GPC6: variants seen among roughly 807,000 people sequenced by gnomAD.
The protein encoded by GPC6 is glypican-6.
Under a neutral mutation model 55.2 loss-of-function variants are expected in GPC6, and 14 were observed. The ratio of observed to expected loss-of-function variants is 0.25; its 90% CI spans 0.17 to 0.40. The LOEUF (loss-of-function observed/expected upper bound fraction) is 0.40, where lower values mean the gene tolerates loss of function less well. Among genes scored for constraint, GPC6 ranks in the 10% least tolerant of loss-of-function variants. The pLI is 1.00. For missense variants in GPC6, 641 were observed against 708.5 expected (o/e 0.90, Z 1.08); for synonymous variants, 278 against 259.6 (o/e 1.07, Z -0.68).
intron 2 of GPC6, among the ~76,000 whole-genome samples, chr13:93,813,808 A>G (rs1594479763): frequency 1.3e-5 from 2 of 151,802 alleles, no homozygotes; most frequent in East Asian, 3.9e-4. Flanking sequence ...TTTTTTTTTA[A>G]AAAATGAGCA....
intron 1 of GPC6, among the ~76,000 whole-genome samples, chr13:93,450,313 C>T (rs1052115727): frequency 6.6e-6 from 1 of 152,190 alleles, no homozygotes; most frequent in African/African-American, 2.4e-5. Context: ...ATTTCTTCTT[C>T]TTAGCAATAC....
intron 1 of GPC6, among the ~76,000 whole-genome samples, chr13:93,382,498 ATAT>A (rs912596575): frequency 5.3e-5 from 8 of 152,112 alleles, no homozygotes; most frequent in African/African-American, 1.9e-4. Flanking sequence ...TTTAAGATTT[ATAT>A]TATTATTATT....
At chr13:94,165,286 A>G in intron 4 of GPC6, among the ~76,000 whole-genome samples, 1 of 148,928 alleles carries the variant, frequency 6.7e-6, no homozygotes, top group East Asian at 1.9e-4. Flanking sequence ...ATATATATAT[A>G]TATATACATA....
chr13:93,306,893 A>T (rs1228075993), intron 1 of GPC6, among the ~76,000 whole-genome samples: 1 of 152,152 alleles, frequency 6.6e-6, no homozygotes, highest in Non-Finnish European at 1.5e-5. Context: ...CATGTCCCCT[A>T]GCAAACTCTC....
chr13:93,612,600 CT>C (rs1333657558), intron 2 of GPC6, among the ~76,000 whole-genome samples: 5 of 151,350 alleles, frequency 3.3e-5, no homozygotes, highest in Non-Finnish European at 7.4e-5. Context: ...TAAAAACTTA[CT>C]GGAAATCAGA....
chr13:93,370,132 C>A (rs934333086), intron 1 of GPC6, among the ~76,000 whole-genome samples: 10 of 152,016 alleles, frequency 6.6e-5, no homozygotes, highest in African/African-American at 2.4e-4. Flanking sequence ...TTCATTATTC[C>A]AGACAGTTGT....
At chr13:93,984,913 G>T (rs1188982836) in intron 3 of GPC6, among the ~76,000 whole-genome samples, 1 of 152,034 alleles carries the variant, frequency 6.6e-6, no homozygotes, top group African/African-American at 2.4e-5. Context: ...TTTAAATAAG[G>T]GTTTCTTCAT....
intron 3 of GPC6, among the ~76,000 whole-genome samples, chr13:94,021,071 A>G (rs1009556734): frequency 1.3e-5 from 2 of 152,120 alleles, no homozygotes; most frequent in Non-Finnish European, 2.9e-5. Context: ...ATGTGACTGT[A>G]CATTAGAAAC....
chr13:94,207,894 A>G (rs374169834), intron 4 of GPC6, among the ~76,000 whole-genome samples: 8 of 152,176 alleles, frequency 5.3e-5, no homozygotes, highest in Non-Finnish European at 1.0e-4. Flanking sequence ...CTTTTGCACC[A>G]ACCTTACATT....
At chr13:93,657,842 A>T (rs1340919736) in intron 2 of GPC6, among the ~76,000 whole-genome samples, 1 of 152,152 alleles carries the variant, frequency 6.6e-6, no homozygotes, top group Non-Finnish European at 1.5e-5. Flanking sequence ...ACCAACAAGC[A>T]TTTGAAAAAA....
chr13:93,405,316 AC>A (rs1199681451), intron 1 of GPC6, among the ~76,000 whole-genome samples: 1 of 152,184 alleles, frequency 6.6e-6, no homozygotes, highest in East Asian at 1.9e-4. Flanking sequence ...CAGAGTGCAC[AC>A]AAGGTATGGG....
rs541733712 is a variant in GPC6, at chr13:94,025,300, A to T, written c.712-2429A>T. Among the ~76,000 whole-genome samples the T allele has an allele frequency of 3.3e-5, 5 of 152,358 alleles. No individual in the cohort carries two copies. The South Asian group carries it at 1.0e-3, about 32-fold the overall frequency. On this transcript the variant is annotated intron_variant, in intron 3 of 8. Transcript: ENST00000377047. ...CTGTGGTAAAGGTTTGCAAGTTAGT[A>T]ACCATGCCCAGTAAGTTTGCAAGAT...
At chr13:93,890,308 C>T (rs568451350) in intron 3 of GPC6, among the ~76,000 whole-genome samples, 1 of 152,136 alleles carries the variant, frequency 6.6e-6, no homozygotes, top group African/African-American at 2.4e-5. Context: ...TTCTTGTAGC[C>T]ATGCACAGGT....
intron 3 of GPC6, among the ~76,000 whole-genome samples, chr13:93,968,560 C>T (rs956148432): frequency 2.0e-5 from 3 of 152,082 alleles, no homozygotes; most frequent in Non-Finnish European, 4.4e-5. Context: ...TGAAGAAGCA[C>T]ATGTTTGGTA....
intron 2 of GPC6, among the ~76,000 whole-genome samples, chr13:93,569,962 A>G (rs1876323919): frequency 6.6e-6 from 1 of 152,102 alleles, no homozygotes; most frequent in Non-Finnish European, 1.5e-5. Flanking sequence ...TATTAATTGA[A>G]TCGGTCATTA....
chr13:93,731,875 A>G (rs539025346), intron 2 of GPC6, among the ~76,000 whole-genome samples: 6 of 152,114 alleles, frequency 3.9e-5, no homozygotes, highest in African/African-American at 1.4e-4. Context: ...CTAATTTGAG[A>G]AAAAAAATGA....
intron 2 of GPC6, among the ~76,000 whole-genome samples, chr13:93,604,623 A>T (rs1029861299): frequency 6.6e-6 from 1 of 152,102 alleles, no homozygotes; most frequent in African/African-American, 2.4e-5. Flanking sequence ...TATCAGCCTT[A>T]TGGAAAAATC....
chr13:94,339,087 C>T lies in GPC6; in HGVS notation c.1152+32964C>T, dbSNP rs117967905. On this transcript the variant is annotated intron_variant, in intron 6 of 8. Transcript: ENST00000377047. Reference sequence around the variant, plus strand: ...GTTTTCCTTTTTTTTTTTTAAGAGACGGGGTCTTGCTCTGTCATCCAGGCT... The same window carrying T: ...GTTTTCCTTTTTTTTTTTTAAGAGATGGGGTCTTGCTCTGTCATCCAGGCT... Among the ~76,000 whole-genome samples, 797 of 150,702 alleles carry T rather than the reference C, an allele frequency of 5.3e-3. 21 individuals carry two copies. In the East Asian group the frequency reaches 0.09, roughly 17 times the overall value.
At chr13:93,674,554 T>TA (rs1453149095) in intron 2 of GPC6, among the ~76,000 whole-genome samples, 5 of 152,200 alleles carry the variant, frequency 3.3e-5, no homozygotes, top group African/African-American at 9.7e-5. Context: ...TTGGGTGAAA[T>TA]ACATTTGAAA....
Sources: allele counts gnomAD v4.1 joint callset (sites outside exome capture counted in the v4.1 genomes callset), GRCh38; gene constraint gnomAD v4.1.1; transcripts MANE v1.5; gene names NCBI Gene and HGNC (gene_info 2026-07-23, HGNC 2026-07-21).